Variants in GRAMD1B observed in about 807,000 individuals in gnomAD.
GRAMD1B encodes the protein GRAM domain containing 1B.
Under a neutral mutation model 99.7 loss-of-function variants are expected in GRAMD1B, and 37 were observed. That is an observed-to-expected ratio of 0.37 (90% CI 0.29 to 0.49). The LOEUF is 0.49. GRAMD1B is among the 20% of genes least tolerant of loss of function. The probability of loss-of-function intolerance (pLI) is 0.98; values close to 1 mark genes in which losing one functional copy is unlikely to be tolerated. For synonymous variants in GRAMD1B, 427 were observed against 387.6 expected, an observed-to-expected ratio of 1.10 and a Z score of -1.19; for missense variants, 888 against 1,009.2, an observed-to-expected ratio of 0.88 and a Z score of 1.63.
rs1472766451 is a variant in GRAMD1B at position 123,624,377 on chromosome 11, TA to T, written c.*1784del. On this transcript the variant is annotated 3_prime_UTR_variant, in exon 20 of 20. Transcript: ENST00000635736. Reference sequence around the variant, plus strand: ...TGAGAATAAGGCCTTGGTATTTCCCTAAGGGCAGGATCAGAAAACAGGAAGG... The same window carrying T: ...TGAGAATAAGGCCTTGGTATTTCCCTAGGGCAGGATCAGAAAACAGGAAGG... The T allele has an allele frequency of 1.3e-5, 2 of 152,202 alleles. No individual in the cohort carries two copies. Among genetic ancestry groups the T allele is most frequent in the Non-Finnish European group, 2.9e-5 (2 of 68,030 alleles). The allele number at this position is 152,202 out of a possible 1,614,324, so 9.4% of individuals were successfully genotyped here. A position where few individuals can be genotyped will look rare whatever the true frequency, so the allele number is the denominator to read the frequency against.
At position 123,625,973 on chromosome 11, in the gene GRAMD1B, A is replaced by AGAGAGAGAGAGAGAGAGAGAGC. The variant is rs34697633; in HGVS notation, c.*3386_*3387insGAGAGAGAGAGAGCGAGAGAGA. ...GAGAGAGAGAGAGAGAGAGAGAGAG[A>AGAGAGAGAGAGAGAGAGAGAGC]GAGAGAGATCGAGCTTGATGTATTG... On this transcript the variant is annotated 3_prime_UTR_variant, in exon 20 of 20. Coordinates refer to ENST00000635736, the MANE Select transcript of GRAMD1B (RefSeq NM_001387025.1). 4 of 139,750 alleles carry AGAGAGAGAGAGAGAGAGAGAGC rather than the reference A, an allele frequency of 2.9e-5. No homozygotes were observed. The highest frequency in any genetic ancestry group is 2.6e-4 in the South Asian group (1 of 3,852). The allele number at this position is 139,750 out of a possible 1,614,324, so 8.7% of individuals were successfully genotyped here. A position where few individuals can be genotyped will look rare whatever the true frequency, so the allele number is the denominator to read the frequency against.
At chr11:123,543,996 T>G (rs1332549729) in intron 2 of GRAMD1B, among the ~76,000 whole-genome samples, 1 of 152,234 alleles carries the variant, frequency 6.6e-6, no homozygotes, top group Non-Finnish European at 1.5e-5. Flanking sequence ...TGTTAGCAGT[T>G]GAATAATTCT....
intron 1 of GRAMD1B, among the ~76,000 whole-genome samples, chr11:123,374,579 G>T (rs1946632216): frequency 2.0e-5 from 3 of 152,184 alleles, no homozygotes; most frequent in Non-Finnish European, 4.4e-5. Flanking sequence ...TGACCCTACA[G>T]GCATTATAGC....
rs1184787326 is a variant in GRAMD1B at position 123,492,456 on chromosome 11, C to T, written c.452+11563C>T. ...CTGACTCCAGAATTATTTGAGCATG[C>T]ATCAGATGTGGGGTGCTTTTTCCTA... On this transcript the variant is annotated intron_variant, in intron 2 of 19. Transcript: ENST00000635736. The surrounding 1 kb of genome is among the most constrained non-coding windows in gnomAD (Gnocchi z 4.2). 6.6e-6 allele frequency among the ~76,000 whole-genome samples: 1 copy of T among 152,134 alleles called. No homozygotes were observed. Among genetic ancestry groups the T allele is most frequent in the Non-Finnish European group, 1.5e-5 (1 of 68,028 alleles).
chr11:123,393,376 T>C (rs1405927383), intron 1 of GRAMD1B, among the ~76,000 whole-genome samples: 1 of 152,180 alleles, frequency 6.6e-6, no homozygotes, highest in African/African-American at 2.4e-5. Context: ...ATAACCACGG[T>C]TTATTGCCAC....
intron 1 of GRAMD1B, among the ~76,000 whole-genome samples, chr11:123,416,045 A>G (rs1948222701): frequency 6.6e-6 from 1 of 152,206 alleles, no homozygotes; most frequent in Non-Finnish European, 1.5e-5. Context: ...TTGGGTTGAA[A>G]GAGGATTTTC....
chr11:123,599,474 C>T (rs568421501), intron 7 of GRAMD1B: 4 of 601,070 alleles, frequency 6.7e-6, no homozygotes, highest in African/African-American at 3.7e-5. Flanking sequence ...CACGGCCTCT[C>T]GTTGTTGCTG....
chr11:123,611,147 G>A (rs573262687), intron 14 of GRAMD1B, among the ~76,000 whole-genome samples: 116 of 152,272 alleles, frequency 7.6e-4, no homozygotes, highest in Non-Finnish European at 1.2e-3. Flanking sequence ...CAAGAAGTGC[G>A]CATCAAGAGG....
At chr11:123,478,055 G>T (rs1203576934) in intron 1 of GRAMD1B, among the ~76,000 whole-genome samples, 2 of 152,106 alleles carry the variant, frequency 1.3e-5, no homozygotes, top group Admixed American at 1.3e-4. Flanking sequence ...GCCTCCCAAA[G>T]TTCTGGGATT....
chr11:123,611,552 T>G (rs901305981), intron 14 of GRAMD1B, among the ~76,000 whole-genome samples: 1 of 152,138 alleles, frequency 6.6e-6, no homozygotes, highest in Non-Finnish European at 1.5e-5. Context: ...CCTCCTTCCT[T>G]CTTTAATTTC....
intron 3 of GRAMD1B, among the ~76,000 whole-genome samples, chr11:123,579,558 G>A (rs888386506): frequency 6.6e-6 from 1 of 152,154 alleles, no homozygotes; most frequent in African/African-American, 2.4e-5. Flanking sequence ...CTGATATCTG[G>A]GAATGGGGTT....
At chr11:123,375,588 C>A (rs544417707) in intron 1 of GRAMD1B, among the ~76,000 whole-genome samples, 18 of 152,212 alleles carry the variant, frequency 1.2e-4, no homozygotes, top group South Asian at 2.1e-4. Flanking sequence ...TAGCAATGTA[C>A]TAGATGCCAA....
At chr11:123,534,358 C>T (rs1943725898) in intron 2 of GRAMD1B, among the ~76,000 whole-genome samples, 1 of 152,164 alleles carries the variant, frequency 6.6e-6, no homozygotes, top group Admixed American at 6.5e-5. Context: ...GTCTTGCTGT[C>T]TCAGAGGCGA....
chr11:123,605,641 T>C (rs901419888), intron 10 of GRAMD1B, among the ~76,000 whole-genome samples, 163 bp downstream of exon 10: 1 of 152,154 alleles, frequency 6.6e-6, no homozygotes, highest in Non-Finnish European at 1.5e-5. Flanking sequence ...CTCTCCGTAT[T>C]CTAGTGGCAT....
chr11:123,457,967 C>G (rs145091086), intron 1 of GRAMD1B, among the ~76,000 whole-genome samples: 2 of 152,334 alleles, frequency 1.3e-5, no homozygotes, highest in Non-Finnish European at 2.9e-5. Flanking sequence ...CCTCCTGCCT[C>G]GGCCTCCCAA....
At chr11:123,611,133 G>A (rs1326276741) in intron 14 of GRAMD1B, among the ~76,000 whole-genome samples, 2 of 152,278 alleles carry the variant, frequency 1.3e-5, no homozygotes, top group Non-Finnish European at 2.9e-5. Context: ...GATCTCTTGG[G>A]CTTCAAGAAG....
chr11:123,368,395 G>A (rs911537086), intron 1 of GRAMD1B, among the ~76,000 whole-genome samples: 1 of 151,642 alleles, frequency 6.6e-6, no homozygotes, highest in African/African-American at 2.4e-5. Context: ...TGAAAGATAA[G>A]TTAAGGCTGG....
At position 123,576,751 on chromosome 11, in the gene GRAMD1B, C is replaced by T. The variant is rs555213897; in HGVS notation, c.453-616C>T. The stretch of plus-strand genomic sequence containing the variant: ...AATATGGTGTGGGTGAGTTACAAAT[C>T]AGAAGAGCTGCACTTTGTTTCTCTC... On this transcript the variant is annotated intron_variant, in intron 2 of 19. Transcript: ENST00000635736. 7.9e-5 allele frequency among the ~76,000 whole-genome samples: 12 copies of T among 152,320 alleles called. No homozygotes were observed. In the South Asian group the frequency reaches 1.4e-3, roughly 18 times the overall value.
chr11:123,373,530 A>T (rs530916474), intron 1 of GRAMD1B, among the ~76,000 whole-genome samples: 353 of 152,368 alleles, frequency 2.3e-3, no homozygotes, highest in Non-Finnish European at 3.6e-3. Flanking sequence ...ATGCAGAAAC[A>T]GGGACCAAGG....
Sources: allele counts gnomAD v4.1 joint callset (sites outside exome capture counted in the v4.1 genomes callset), GRCh38; gene constraint gnomAD v4.1.1; non-coding constraint Gnocchi (gnomAD v3.1); transcripts MANE v1.5; gene names NCBI Gene and HGNC (gene_info 2026-07-23, HGNC 2026-07-21).